CRPPA: variants seen among roughly 807,000 people sequenced by gnomAD.
CRPPA encodes D-ribitol-5-phosphate cytidylyltransferase.
A neutral mutation model predicts 52.0 loss-of-function variants in CRPPA; 43 were observed. The observed-to-expected ratio is 0.83, with a 90% confidence interval of 0.65 to 1.07. The LOEUF is 1.07. Ranked by LOEUF, CRPPA falls within the 50% of genes least tolerant of loss-of-function variation. The pLI, the probability that CRPPA is intolerant of heterozygous loss-of-function variation, is 0.00. For synonymous variants in CRPPA, 250 were observed against 203.5 expected, an observed-to-expected ratio of 1.23 and a Z score of -1.94; for missense variants, 629 against 551.7, an observed-to-expected ratio of 1.14 and a Z score of -1.40.
At chr7:16,195,212 T>A (rs1323850925) in intron 9 of CRPPA, among the ~76,000 whole-genome samples, 1 of 152,172 alleles carries the variant, frequency 6.6e-6, no homozygotes, top group Non-Finnish European at 1.5e-5. Context: ...AGCTTTCTAG[T>A]TCCCTCTGGA....
rs569791686 is a variant in CRPPA at position 16,245,023 on chromosome 7, G to GT, written c.1119+13366dup. ...TTGACCATTCTTTTCAAATTTTAAA[G>GT]TTTTTTAACAAAAGTCTTACATTTA... On this transcript the variant is annotated intron_variant, in intron 8 of 9. Coordinates refer to ENST00000407010, the MANE Select transcript of CRPPA (RefSeq NM_001101426.4). Among the ~76,000 whole-genome samples the GT allele has an allele frequency of 4.4e-4, 67 of 150,776 alleles. No individual in the cohort carries two copies. The South Asian group carries it at 0.012, about 28-fold the overall frequency.
At chr7:16,402,787 A>C (rs1455176244) in intron 2 of CRPPA, among the ~76,000 whole-genome samples, 1 of 152,150 alleles carries the variant, frequency 6.6e-6, no homozygotes, top group Non-Finnish European at 1.5e-5. Flanking sequence ...AGGACACATG[A>C]GGACTGGATA....
At chr7:16,098,082 C>T (rs2128362906) in intron 9 of CRPPA, among the ~76,000 whole-genome samples, 1 of 152,244 alleles carries the variant, frequency 6.6e-6, no homozygotes, top group Non-Finnish European at 1.5e-5. Flanking sequence ...ACACACATAT[C>T]AGCATTTGAA....
intron 8 of CRPPA, among the ~76,000 whole-genome samples, chr7:16,255,512 G>A (rs532090256): frequency 2.6e-5 from 4 of 152,258 alleles, no homozygotes; most frequent in Middle Eastern, 3.4e-3. Flanking sequence ...GAACAAAGCT[G>A]GAGGCATCAC....
rs3083131 is a variant in CRPPA, at chr7:16,125,888, TACACACACACACACACACAC to T, written c.1252-34109_1252-34090del. ...GTTAGATGTACAATAGAAGCTTGCC[TACACACACACACACACACAC>T]ACACACACACACACACACACACACA... On this transcript the variant is annotated intron_variant, in intron 9 of 9. Transcript: ENST00000407010. 6.4e-3 allele frequency among the ~76,000 whole-genome samples: 864 copies of T among 134,232 alleles called. 34 individuals are homozygous for T. The South Asian group carries it at 0.11, about 17-fold the overall frequency. 88.1% of individuals were successfully genotyped at this position (134,232 alleles called of 152,430 possible).
At chr7:16,248,427 G>A (rs1414415603) in intron 8 of CRPPA, among the ~76,000 whole-genome samples, 2 of 152,162 alleles carry the variant, frequency 1.3e-5, no homozygotes, top group African/African-American at 4.8e-5. Flanking sequence ...AAAACTCACA[G>A]GTGGCAGATT....
chr7:16,399,409 T>G (rs900913085), intron 2 of CRPPA, among the ~76,000 whole-genome samples: 15 of 113,912 alleles, frequency 1.3e-4, no homozygotes, highest in African/African-American at 6.3e-4. Context: ...TGTGACACCT[T>G]TGTGACATGT....
chr7:16,260,076 T>C (rs1783755277), intron 6 of CRPPA, among the ~76,000 whole-genome samples: 1 of 151,808 alleles, frequency 6.6e-6, no homozygotes, highest in Non-Finnish European at 1.5e-5. Context: ...AACACCACAA[T>C]AAAAAAAGAA....
intron 9 of CRPPA, among the ~76,000 whole-genome samples, chr7:16,116,344 C>T (rs1291086157): frequency 6.6e-6 from 1 of 151,928 alleles, no homozygotes; most frequent in African/African-American, 2.4e-5. Context: ...CAGTATTTGC[C>T]AAAAGTACAA....
Position 16,259,150 on chromosome 7 carries a change from A to T in CRPPA, c.934-138T>A, listed in dbSNP as rs532701222. ...TTTTTTAAAAAAATGAAACATGCTG[A>T]AGTTCATCAGGCTATCAAGAAATAG... On this transcript the variant is annotated intron_variant, in intron 6 of 9. Coordinates refer to ENST00000407010, the MANE Select transcript of CRPPA (RefSeq NM_001101426.4). The T allele has an allele frequency of 3.1e-5, 17 of 544,166 alleles. No homozygotes were observed. In the Admixed American group the frequency reaches 3.2e-4, roughly 10 times the overall value. The allele number at this position is 544,166 out of a possible 1,614,324, so 33.7% of individuals were successfully genotyped here. A position where few individuals can be genotyped will look rare whatever the true frequency, so the allele number is the denominator to read the frequency against.
At chr7:16,222,914 A>G (rs968135030) in intron 8 of CRPPA, among the ~76,000 whole-genome samples, 1 of 152,200 alleles carries the variant, frequency 6.6e-6, no homozygotes, top group Non-Finnish European at 1.5e-5. Context: ...GCTGACCATC[A>G]TCTTGAACGT....
chr7:16,147,525 A>G (rs1175012276), intron 9 of CRPPA, among the ~76,000 whole-genome samples: 6 of 152,204 alleles, frequency 3.9e-5, no homozygotes, highest in Non-Finnish European at 7.3e-5. Flanking sequence ...TTATGCACTT[A>G]CTTATCTTTG....
At chr7:16,341,844 A>G (rs1326120751) in intron 3 of CRPPA, among the ~76,000 whole-genome samples, 1 of 152,180 alleles carries the variant, frequency 6.6e-6, no homozygotes, top group Non-Finnish European at 1.5e-5. Flanking sequence ...TAGAAAAATT[A>G]GCTTTTCCAC....
At chr7:16,198,798 C>CCTGCGT (rs1554287406) in intron 9 of CRPPA, among the ~76,000 whole-genome samples, 8 of 151,396 alleles carry the variant, frequency 5.3e-5, no homozygotes, top group Admixed American at 3.3e-4. Flanking sequence ...CGCAATCCTT[C>CCTGCGT]CTGCCTCTGC....
chr7:16,115,580 AGGAT>A (rs1782354055), intron 9 of CRPPA, among the ~76,000 whole-genome samples: 1 of 152,214 alleles, frequency 6.6e-6, no homozygotes, highest in Non-Finnish European at 1.5e-5. Flanking sequence ...CTTAGTGCTC[AGGAT>A]CTTGGTTTCT....
chr7:16,255,457 G>A (rs563529699), intron 8 of CRPPA, among the ~76,000 whole-genome samples: 1 of 152,106 alleles, frequency 6.6e-6, no homozygotes, highest in East Asian at 1.9e-4. Flanking sequence ...AGTTCATATG[G>A]AACCAAAAAA....
intron 9 of CRPPA, among the ~76,000 whole-genome samples, chr7:16,142,764 G>T (rs1301736353): frequency 7.2e-5 from 11 of 152,180 alleles, no homozygotes; most frequent in Admixed American, 7.2e-4. Context: ...TTCTAATGAG[G>T]TATTAATCAA....
At chr7:16,371,980 A>G (rs1786760328) in intron 3 of CRPPA, among the ~76,000 whole-genome samples, 2 of 152,080 alleles carry the variant, frequency 1.3e-5, no homozygotes, top group Non-Finnish European at 2.9e-5. Flanking sequence ...CTTGAAGACA[A>G]AGCTTTTGAA....
At chr7:16,270,504 C>T (rs1362059093) in intron 6 of CRPPA, 1 of 152,118 alleles carries the variant, frequency 6.6e-6, no homozygotes, top group East Asian at 1.9e-4. Context: ...TTCATACCAT[C>T]TTCTTCAACT....
Sources: allele counts gnomAD v4.1 joint callset (sites outside exome capture counted in the v4.1 genomes callset), GRCh38; gene constraint gnomAD v4.1.1; transcripts MANE v1.5; gene names NCBI Gene and HGNC (gene_info 2026-07-23, HGNC 2026-07-21).